The following LRRC4C variants were observed in gnomAD, a reference collection of about 807,000 sequenced individuals.
The protein encoded by LRRC4C is leucine rich repeat containing 4C.
A neutral mutation model predicts 33.6 loss-of-function variants in LRRC4C; 5 were observed. That is an observed-to-expected ratio of 0.15 (90% CI 0.08 to 0.31). LRRC4C has a LOEUF of 0.31. LRRC4C is among the 10% of genes least tolerant of loss of function. The pLI is 1.00. For missense variants in LRRC4C, 560 were observed against 796.7 expected (o/e 0.70, Z 3.58); for synonymous variants, 329 against 302.0 (o/e 1.09, Z -0.93).
At chr11:41,092,346 G>A (rs2135553160) in intron 1 of LRRC4C, among the ~76,000 whole-genome samples, 1 of 152,226 alleles carries the variant, frequency 6.6e-6, no homozygotes, top group African/African-American at 2.4e-5. Context: ...CTTATTCTCT[G>A]TGAATATTAC....
intron 4 of LRRC4C, among the ~76,000 whole-genome samples, chr11:40,286,307 G>A (rs1943834056): frequency 6.6e-6 from 1 of 152,116 alleles, no homozygotes; most frequent in African/African-American, 2.4e-5. Flanking sequence ...ACAGGTAACT[G>A]ACACCACCAG....
chr11:40,133,514 T>G (rs12281232), intron 6 of LRRC4C, among the ~76,000 whole-genome samples: 34,106 of 152,090 alleles, frequency 0.22, 4,722 homozygotes, highest in African/African-American at 0.4. Context: ...CGGGGAAAGA[T>G]AATCTCTAAA....
chr11:40,124,075 TA>T (rs150372595), intron 6 of LRRC4C, among the ~76,000 whole-genome samples: 1,835 of 152,122 alleles, frequency 0.012, 36 homozygotes, highest in African/African-American at 0.042. Context: ...TCTGGTCGTG[TA>T]AAAAAATCAA....
intron 2 of LRRC4C, among the ~76,000 whole-genome samples, chr11:40,732,315 C>CA (rs1947627811): frequency 6.6e-6 from 1 of 152,040 alleles, no homozygotes. Flanking sequence ...AAAGCTCTCC[C>CA]AAAAAAGTAA....
At chr11:40,399,243 T>C (rs1216530455) in intron 3 of LRRC4C, among the ~76,000 whole-genome samples, 4 of 152,276 alleles carry the variant, frequency 2.6e-5, no homozygotes, top group Admixed American at 2.0e-4. Flanking sequence ...CGTATGTTTA[T>C]TGTGGCACTA....
chr11:40,286,665 C>A (rs993290461), intron 4 of LRRC4C, among the ~76,000 whole-genome samples: 1 of 152,118 alleles, frequency 6.6e-6, no homozygotes, highest in Non-Finnish European at 1.5e-5. Context: ...AGTGGGCTAG[C>A]AATTATTGAG....
intron 2 of LRRC4C, among the ~76,000 whole-genome samples, chr11:40,678,201 G>A (rs1009246980): frequency 1.3e-5 from 2 of 151,406 alleles, no homozygotes; most frequent in East Asian, 2.0e-4. Context: ...AAGGTATATC[G>A]TGTAATACTG....
intron 4 of LRRC4C, among the ~76,000 whole-genome samples, chr11:40,275,600 G>A (rs1345719150): frequency 3.3e-5 from 5 of 152,064 alleles, no homozygotes; most frequent in African/African-American, 1.2e-4. Context: ...GCTCTCTAAA[G>A]AGACATCATA....
intron 3 of LRRC4C, among the ~76,000 whole-genome samples, chr11:40,589,400 C>T (rs1212865058): frequency 6.6e-6 from 1 of 152,084 alleles, no homozygotes; most frequent in Non-Finnish European, 1.5e-5. Context: ...TTCCTGAATA[C>T]AGCACACTGA....
At chr11:41,412,166 T>C (rs1954511855) in intron 1 of LRRC4C, among the ~76,000 whole-genome samples, 3 of 152,186 alleles carry the variant, frequency 2.0e-5, no homozygotes, top group Non-Finnish European at 4.4e-5. Context: ...TAAACATTTA[T>C]TTCTTGATTT....
At chr11:41,275,200 T>C (rs1949445917) in intron 1 of LRRC4C, among the ~76,000 whole-genome samples, 1 of 152,156 alleles carries the variant, frequency 6.6e-6, no homozygotes, top group Non-Finnish European at 1.5e-5. Context: ...CTGTGAAGCC[T>C]ACAGAACTTG....
At chr11:41,189,854 C>T (rs1945866088) in intron 1 of LRRC4C, among the ~76,000 whole-genome samples, 1 of 152,170 alleles carries the variant, frequency 6.6e-6, no homozygotes, top group Non-Finnish European at 1.5e-5. Context: ...GCTCCCATTG[C>T]ACTGGTCTGC....
chr11:40,619,249 C>T (rs1215609272), intron 3 of LRRC4C, among the ~76,000 whole-genome samples: 1 of 151,736 alleles, frequency 6.6e-6, no homozygotes, highest in Non-Finnish European at 1.5e-5. Flanking sequence ...TCAATAATAA[C>T]TTTATTTTAT....
chr11:40,327,144 C>T (rs910851320), intron 3 of LRRC4C, among the ~76,000 whole-genome samples: 2 of 152,154 alleles, frequency 1.3e-5, no homozygotes, highest in African/African-American at 2.4e-5. Context: ...GCATTCTTAT[C>T]GCTAACTGGA....
chr11:40,999,831 C>T (rs534587791), intron 1 of LRRC4C, among the ~76,000 whole-genome samples: 1 of 151,942 alleles, frequency 6.6e-6, no homozygotes, highest in African/African-American at 2.4e-5. Flanking sequence ...CCTAGCAGAG[C>T]GTGAAAGGCA....
intron 4 of LRRC4C, among the ~76,000 whole-genome samples, chr11:40,285,322 A>G (rs1943760932): frequency 6.6e-6 from 1 of 152,166 alleles, no homozygotes; most frequent in South Asian, 2.1e-4. Flanking sequence ...AAAGTGATCA[A>G]TGAGGAGTGC....
chr11:40,684,622 T>C (rs1323534378), intron 2 of LRRC4C, among the ~76,000 whole-genome samples: 1 of 151,546 alleles, frequency 6.6e-6, no homozygotes, highest in Non-Finnish European at 1.5e-5. Context: ...TATTAAGGAA[T>C]GCAAAAAAAG....
At chr11:40,441,985 A>G (rs867282166) in intron 3 of LRRC4C, among the ~76,000 whole-genome samples, 1 of 151,936 alleles carries the variant, frequency 6.6e-6, no homozygotes, top group Non-Finnish European at 1.5e-5. Flanking sequence ...ACACGGTGAA[A>G]CCCCATCTCT....
intron 1 of LRRC4C, among the ~76,000 whole-genome samples, chr11:41,362,265 G>A (rs1007076130): frequency 1.3e-5 from 2 of 152,110 alleles, no homozygotes; most frequent in South Asian, 2.1e-4. Flanking sequence ...GGGGACAACA[G>A]CATTTTCTCA....
Sources: gnomAD v4.1 joint callset for allele counts (sites outside exome capture counted in the v4.1 genomes callset) on GRCh38, gnomAD v4.1.1 for gene constraint, MANE v1.5 for transcripts, NCBI Gene and HGNC (gene_info 2026-07-23, HGNC 2026-07-21) for gene names.